RBFOX1: variants seen among roughly 807,000 people sequenced by gnomAD.
The protein encoded by RBFOX1 is RNA binding fox-1 homolog 1, also known as RNA binding protein fox-1 homolog 1.
In RBFOX1, 8 loss-of-function variants were observed where a neutral mutation model predicts 57.7. The observed-to-expected ratio is 0.14, with a 90% CI of 0.08 to 0.25. The LOEUF is 0.25. Among genes scored for constraint, RBFOX1 ranks in the 10% least tolerant of loss-of-function variants. RBFOX1 has a pLI of 1.00. For missense variants in RBFOX1, 611 were observed against 548.5 expected (o/e 1.11, Z -1.14); for synonymous variants, 326 against 222.4 (o/e 1.47, Z -4.15).
chr16:6,584,165 C>T (rs952587102), intron 2 of RBFOX1, among the ~76,000 whole-genome samples: 2 of 151,706 alleles, frequency 1.3e-5, no homozygotes, highest in Admixed American at 6.6e-5. Flanking sequence ...AGCATTGTCC[C>T]TGCTGTAATT....
intron 1 of RBFOX1, among the ~76,000 whole-genome samples, chr16:6,215,414 G>A (rs1401681633): frequency 7.5e-5 from 11 of 145,814 alleles, no homozygotes; most frequent in Non-Finnish European, 1.4e-4. Flanking sequence ...CAGAGAGGGA[G>A]GAGGAGAGGG....
intron 4 of RBFOX1, among the ~76,000 whole-genome samples, chr16:7,494,096 A>G (rs977330286): frequency 9.9e-5 from 15 of 152,174 alleles, no homozygotes; most frequent in South Asian, 2.1e-4. Context: ...TGAGTTAGCA[A>G]TGTCTAGTGG....
chr16:6,319,731 G>T (rs116913977), intron 2 of RBFOX1, among the ~76,000 whole-genome samples: 129 of 152,242 alleles, frequency 8.5e-4, no homozygotes, highest in Non-Finnish European at 1.3e-3. Context: ...GTTGTTATCT[G>T]TGTGCTAAGA....
chr16:7,211,613 C>T (rs1436967409), intron 4 of RBFOX1, among the ~76,000 whole-genome samples: 2 of 152,078 alleles, frequency 1.3e-5, no homozygotes, highest in African/African-American at 4.8e-5. Flanking sequence ...AATCTAGAGG[C>T]ACACCTAGTA....
At chr16:6,924,084 C>T (rs1032442269) in intron 3 of RBFOX1, among the ~76,000 whole-genome samples, 22 of 151,644 alleles carry the variant, frequency 1.5e-4, no homozygotes, top group East Asian at 7.8e-4. Context: ...GCATGAGAGT[C>T]GCTTGAACCC....
At chr16:6,756,713 T>G (rs749632200) in intron 3 of RBFOX1, among the ~76,000 whole-genome samples, 2 of 152,284 alleles carry the variant, frequency 1.3e-5, no homozygotes, top group South Asian at 2.1e-4. Flanking sequence ...GGTTCACGCC[T>G]GTAATCCCAA....
At chr16:7,263,867 TC>T (rs2095025494) in intron 4 of RBFOX1, among the ~76,000 whole-genome samples, 2 of 148,852 alleles carry the variant, frequency 1.3e-5, no homozygotes, top group East Asian at 3.9e-4. Flanking sequence ...ACCATTGCAC[TC>T]CAGCCTGGGC....
At chr16:7,421,984 G>T (rs1195979215) in intron 4 of RBFOX1, among the ~76,000 whole-genome samples, 1 of 152,082 alleles carries the variant, frequency 6.6e-6, no homozygotes, top group African/African-American at 2.4e-5. Flanking sequence ...TTTTCAGAGG[G>T]AGAAAATAGA....
chr16:7,297,598 C>T (rs966928867), intron 4 of RBFOX1, among the ~76,000 whole-genome samples: 1 of 151,944 alleles, frequency 6.6e-6, no homozygotes, highest in African/African-American at 2.4e-5. Flanking sequence ...TGGCTTTAAG[C>T]AGGTTTTCAT....
intron 4 of RBFOX1, among the ~76,000 whole-genome samples, chr16:7,071,763 C>T (rs76549809): frequency 0.01 from 1,533 of 152,124 alleles, 30 homozygotes; most frequent in African/African-American, 0.035. Context: ...ATCACTTAGA[C>T]ATCTTAAACT....
At chr16:6,045,363 G>T (rs2095484498) in intron 1 of RBFOX1, among the ~76,000 whole-genome samples, 1 of 152,174 alleles carries the variant, frequency 6.6e-6, no homozygotes, top group Non-Finnish European at 1.5e-5. Flanking sequence ...TCCGAGAGTT[G>T]AGAGTTCTCT....
intron 14 of RBFOX1, among the ~76,000 whole-genome samples, chr16:7,677,896 G>A (rs533506669): frequency 6.6e-6 from 1 of 152,304 alleles, no homozygotes; most frequent in Non-Finnish European, 1.5e-5. Flanking sequence ...GGCCTGTTGT[G>A]ATGTAGTTCC....
chr16:6,695,310 G>C (rs1293393622), intron 3 of RBFOX1, among the ~76,000 whole-genome samples: 1 of 150,896 alleles, frequency 6.6e-6, no homozygotes, highest in Non-Finnish European at 1.5e-5. Context: ...TAGGTACTCA[G>C]GAGGCTGAGG....
At chr16:6,995,158 T>C (rs2092065132) in intron 3 of RBFOX1, among the ~76,000 whole-genome samples, 1 of 152,182 alleles carries the variant, frequency 6.6e-6, no homozygotes, top group African/African-American at 2.4e-5. Context: ...ATTCTCTTGT[T>C]ATGGACATTT....
intron 1 of RBFOX1, among the ~76,000 whole-genome samples, chr16:6,223,381 A>G (rs1022256210): frequency 6.7e-6 from 1 of 148,866 alleles, no homozygotes; most frequent in Non-Finnish European, 1.5e-5. Flanking sequence ...CGACTTTTTA[A>G]TGATTGCCAT....
chr16:5,470,509 C>G (rs537327397), intron 2 of RBFOX1, among the ~76,000 whole-genome samples: 3 of 152,186 alleles, frequency 2.0e-5, no homozygotes, highest in Admixed American at 6.5e-5. Context: ...CTCTATTTAT[C>G]TCTCTCCCTC....
chr16:5,290,701 C>CT lies in RBFOX1; in HGVS notation c.219+50610dup, dbSNP rs34357490. Among the ~76,000 whole-genome samples the CT allele has an allele frequency of 1.8e-3, 264 of 145,370 alleles. 1 individual carries two copies. The highest frequency in any genetic ancestry group is 3.8e-3 in the African/African-American group (152 of 39,498). The stretch of plus-strand genomic sequence containing the variant: ...ATAGGCATAGAGCAGATTTAAGGGA[C>CT]TTTTTTTTTTTTTTGAGACGGAGTT... On this transcript the variant is annotated intron_variant, in intron 1 of 2. Transcript: ENST00000585867.
chr16:5,908,389 G>T (rs111592720), intron 4 of RBFOX1, among the ~76,000 whole-genome samples: 22 of 149,800 alleles, frequency 1.5e-4, no homozygotes, highest in African/African-American at 5.2e-4. Context: ...GTCTGACTCT[G>T]TTGTCCAGGC....
intron 2 of RBFOX1, among the ~76,000 whole-genome samples, chr16:6,391,426 C>T (rs898593123): frequency 6.6e-6 from 1 of 151,080 alleles, no homozygotes; most frequent in Admixed American, 6.6e-5. Context: ...AGGAGAATGA[C>T]GTGAACCCGG....
Sources: gnomAD v4.1 joint callset for allele counts (sites outside exome capture counted in the v4.1 genomes callset) on GRCh38, gnomAD v4.1.1 for gene constraint, MANE v1.5 for transcripts, NCBI Gene and HGNC (gene_info 2026-07-23, HGNC 2026-07-21) for gene names.